The following RAD9B variants were observed in gnomAD, a reference collection of about 807,000 sequenced individuals.
RAD9B encodes the protein cell cycle checkpoint control protein RAD9B.
A neutral mutation model predicts 48.3 loss-of-function variants in RAD9B; 41 were observed. The observed-to-expected ratio is 0.85, with a 90% CI of 0.66 to 1.10. The LOEUF (loss-of-function observed/expected upper bound fraction) is 1.10, where lower values mean the gene tolerates loss of function less well. RAD9B is among the 50% of genes least tolerant of loss of function. RAD9B has a pLI of 0.00. For missense variants in RAD9B, 444 were observed against 485.1 expected, an observed-to-expected ratio of 0.92 and a Z score of 0.80; for synonymous variants, 160 against 157.9, an observed-to-expected ratio of 1.01 and a Z score of -0.10.
chr12:110,512,933 G>T, intron 5 of RAD9B, 55 bp downstream of exon 5: 2 of 856,686 alleles, frequency 2.3e-6, no homozygotes, highest in East Asian at 2.6e-5. Context: ...TGATCATGGA[G>T]TGAAGAATCA....
At chr12:110,529,611 A>G (rs2064064711) in intron 10 of RAD9B, among the ~76,000 whole-genome samples, 1 of 151,472 alleles carries the variant, frequency 6.6e-6, no homozygotes, top group Non-Finnish European at 1.5e-5. Flanking sequence ...AAGGCTGCGC[A>G]TGGTTGTGCA....
At position 110,522,212 on chromosome 12, in the gene RAD9B, T is replaced by C. The variant is rs2063807542; in HGVS notation, c.926T>C (p.Val309Ala). 2 of 1,599,292 alleles carry C rather than the reference T, an allele frequency of 1.3e-6. No individual in the cohort carries two copies. Among genetic ancestry groups the C allele is most frequent in the African/African-American group, 1.3e-5 (1 of 74,612 alleles). ...ATTGAAAAAAAGGCTGGCAAAAATGTAACTGGCCAGGCCCTGGAATGTATT... is the reference window on the plus strand; with the variant it reads ...ATTGAAAAAAAGGCTGGCAAAAATGCAACTGGCCAGGCCCTGGAATGTATT... ...DLIEKKAGKN[V>A]TGQALECISK... Residue 309 changes from valine to alanine, a missense_variant, in exon 10 of 11, where the codon GTA becomes GCA. By Grantham distance (64) the Val-to-Ala change is moderately conservative. Coordinates refer to ENST00000409300, the MANE Select transcript of RAD9B (RefSeq NM_001286535.2).
chr12:110,515,258 T>G (rs1207389307), intron 6 of RAD9B, 102 bp downstream of exon 6: 1 of 642,592 alleles, frequency 1.6e-6, no homozygotes, highest in Non-Finnish European at 2.7e-6. Flanking sequence ...TATTCCTGTC[T>G]AAAAAGCAGT....
At chr12:110,528,723 C>CT (rs1037999013) in intron 10 of RAD9B, among the ~76,000 whole-genome samples, 5 of 152,070 alleles carry the variant, frequency 3.3e-5, no homozygotes, top group African/African-American at 4.8e-5. Flanking sequence ...GAGGGAGAAG[C>CT]TTTTTTTGTT....
Position 110,512,762 on chromosome 12 carries a change from G to T in RAD9B, c.389-17G>T. The T allele has an allele frequency of 1.0e-6, 1 of 991,676 alleles. No individual in the cohort carries two copies. The highest frequency in any genetic ancestry group is 1.5e-6 in the Non-Finnish European group (1 of 658,220). 61.4% of individuals were successfully genotyped at this position (991,676 alleles called of 1,614,324 possible). ...TTGTACTTAAAATTATTAAGAGGTG[G>T]CTTTATTCTTTTTAAGGTATTAAAA... On this transcript the variant is annotated splice_polypyrimidine_tract_variant and intron_variant, in intron 4 of 10. Coordinates refer to ENST00000409300, the MANE Select transcript of RAD9B (RefSeq NM_001286535.2).
At position 110,506,662 on chromosome 12, in the gene RAD9B, C is replaced by A; in HGVS notation, c.357C>A (p.Cys119Ter). 6.3e-7 allele frequency: 1 copy of A among 1,582,336 alleles called. No individual in the cohort carries two copies. The highest frequency in any genetic ancestry group is 8.7e-7 in the Non-Finnish European group (1 of 1,152,280). The change falls in exon 4 of 11, where the codon TGC becomes TGA. Residue 119 changes from cysteine (C) to a stop codon, truncating the protein, a stop_gained. Coordinates refer to ENST00000409300, the MANE Select transcript of RAD9B (RefSeq NM_001286535.2). LOFTEE classifies it high-confidence loss of function. ...GAATATTCACCAGATCTGATAAATG[C>A]AAAGTAGTTATTCAATTCTTCTACA... ...KCRIFTRSDK[C>*]KVVIQFFYRH...
intron 6 of RAD9B, among the ~76,000 whole-genome samples, chr12:110,515,519 G>C (rs1435056433): frequency 6.6e-6 from 1 of 152,104 alleles, no homozygotes; most frequent in Admixed American, 6.6e-5. Flanking sequence ...AAATTAGCTG[G>C]GTGTGGTGGC....
intron 10 of RAD9B, among the ~76,000 whole-genome samples, chr12:110,523,382 G>A (rs1471727036): frequency 3.3e-5 from 5 of 152,042 alleles, no homozygotes; most frequent in Non-Finnish European, 5.9e-5. Context: ...AGCTATGATC[G>A]CACAACTGCA....
In RAD9B at chr12:110,507,397, T is replaced by C. The variant is rs1430061535; in HGVS notation, c.388+704T>C. Among the ~76,000 whole-genome samples, 4 of 144,112 alleles carry C rather than the reference T, an allele frequency of 2.8e-5. No individual in the cohort carries two copies. In the East Asian group the frequency reaches 5.9e-4, roughly 21 times the overall value. 94.5% of individuals were successfully genotyped at this position (144,112 alleles called of 152,430 possible). On this transcript the variant is annotated intron_variant, in intron 4 of 10. Coordinates refer to ENST00000409300, the MANE Select transcript of RAD9B (RefSeq NM_001286535.2). ...TAATATATGTATTATATATAATATA[T>C]AATATATGTATTAAATATAATATAT...
At chr12:110,528,508 A>G (rs945636449) in intron 10 of RAD9B, among the ~76,000 whole-genome samples, 1 of 152,212 alleles carries the variant, frequency 6.6e-6, no homozygotes, top group African/African-American at 2.4e-5. Flanking sequence ...TAAGGCCTCA[A>G]ATGGCAGCAG....
chr12:110,502,689 T>A (rs1273385669), intron 1 of RAD9B: 2 of 311,208 alleles, frequency 6.4e-6, no homozygotes, highest in African/African-American at 2.2e-5. Context: ...AAATAATGCT[T>A]GGACAGTAAA....
At chr12:110,529,587 CG>C (rs962624022) in intron 10 of RAD9B, among the ~76,000 whole-genome samples, 5 of 146,404 alleles carry the variant, frequency 3.4e-5, no homozygotes, top group African/African-American at 1.3e-4. Flanking sequence ...CTGGTCTTTA[CG>C]GAAAAAAAAA....
rs770781382 is a variant in RAD9B at position 110,530,643 on chromosome 12, CTA to C, written c.1248_1249del (p.Phe417LeufsTer7). On this transcript the variant is annotated frameshift_variant, in exon 11 of 11. Coordinates refer to ENST00000409300, the MANE Select transcript of RAD9B (RefSeq NM_001286535.2). LOFTEE classifies it high-confidence loss of function. Reference sequence around the variant, plus strand: ...GAGGACATGAATAATGGCAGTTTCTCTATATTCTAATGCTTAATGATGGCTGA... The same window carrying C: ...GAGGACATGAATAATGGCAGTTTCTCTATTCTAATGCTTAATGATGGCTGA... 2.9e-5 allele frequency: 46 copies of C among 1,613,930 alleles called. 1 individual carries two copies. The South Asian group carries it at 5.1e-4, about 18-fold the overall frequency.
At chr12:110,526,964 G>C (rs1419810974) in intron 10 of RAD9B, among the ~76,000 whole-genome samples, 4 of 151,464 alleles carry the variant, frequency 2.6e-5, no homozygotes, top group Non-Finnish European at 4.4e-5. Context: ...AGATCAGTAT[G>C]TTAGTTTCCC....
intron 2 of RAD9B, among the ~76,000 whole-genome samples, chr12:110,504,449 G>A (rs569774544): frequency 2.8e-4 from 42 of 149,522 alleles, no homozygotes; most frequent in African/African-American, 1.0e-3. Context: ...CTCCAGCCTG[G>A]GCAACAGAGT....
rs1432020586 is a variant in RAD9B at position 110,533,205 on chromosome 12, T to C, written c.*2552T>C. 2 of 152,148 alleles carry C rather than the reference T, an allele frequency of 1.3e-5. No homozygotes were observed. The highest frequency in any genetic ancestry group is 6.5e-5 in the Admixed American group (1 of 15,278). 9.4% of individuals were successfully genotyped at this position (152,148 alleles called of 1,614,324 possible). On this transcript the variant is annotated 3_prime_UTR_variant, in exon 11 of 11. Transcript: ENST00000409300. ...ACAAACTCAATGTCAAGGGCTGGTG[T>C]CTCATTTAGTTACTATTCAAACCAA...
chr12:110,519,817 A>T lies in RAD9B; in HGVS notation c.791A>T (p.Asp264Val), dbSNP rs780947141. Residue 264 changes from aspartate (D) to valine (V), a missense_variant, in exon 9 of 11, where the codon GAT becomes GTT. Coordinates refer to ENST00000409300, the MANE Select transcript of RAD9B (RefSeq NM_001286535.2). ...AGACCTCTGGCTTTGAGTATTGATGATATGTTAGTGGAAGCTAACTTTATT... is the reference window on the plus strand; with the variant it reads ...AGACCTCTGGCTTTGAGTATTGATGTTATGTTAGTGGAAGCTAACTTTATT... ...PGKPLALSIDDMLVEANFILA... is the reference protein window; with the variant it reads ...PGKPLALSIDVMLVEANFILA... 1 of 1,612,670 alleles carries T rather than the reference A, an allele frequency of 6.2e-7. No individual in the cohort carries two copies. Among genetic ancestry groups the T allele is most frequent in the Admixed American group, 1.7e-5 (1 of 59,684 alleles).
intron 3 of RAD9B, among the ~76,000 whole-genome samples, chr12:110,506,059 GT>G (rs1375147265): frequency 6.7e-6 from 1 of 148,930 alleles, no homozygotes; most frequent in Admixed American, 6.7e-5. Context: ...TAATTTTTGT[GT>G]TTTTAATAGA....
intron 10 of RAD9B, among the ~76,000 whole-genome samples, chr12:110,527,690 G>T (rs938298466): frequency 6.6e-6 from 1 of 152,212 alleles, no homozygotes; most frequent in African/African-American, 2.4e-5. Flanking sequence ...CGGGTATCAC[G>T]TATCGGGACT....
Sources: allele counts gnomAD v4.1 joint callset (sites outside exome capture counted in the v4.1 genomes callset), GRCh38; gene constraint gnomAD v4.1.1; transcripts MANE v1.5; gene names NCBI Gene and HGNC (gene_info 2026-07-23, HGNC 2026-07-21).